The following GPC5 variants were observed in gnomAD, a reference collection of about 807,000 sequenced individuals.
GPC5 encodes the protein glypican-5.
Under a neutral mutation model 53.9 loss-of-function variants are expected in GPC5, and 47 were observed. That is an observed-to-expected ratio of 0.87 (90% CI 0.69 to 1.11). The LOEUF is 1.11. Among genes scored for constraint, GPC5 ranks in the 50% most tolerant of loss-of-function variants. The probability of loss-of-function intolerance (pLI) is 0.00; values close to 1 mark genes in which losing one functional copy is unlikely to be tolerated. For missense variants in GPC5, 748 were observed against 713.1 expected (o/e 1.05, Z -0.56); for synonymous variants, 286 against 263.3 (o/e 1.09, Z -0.84).
At chr13:92,467,502 A>T (rs954350979) in intron 7 of GPC5, among the ~76,000 whole-genome samples, 1 of 152,176 alleles carries the variant, frequency 6.6e-6, no homozygotes, top group Non-Finnish European at 1.5e-5. Context: ...AGCATTTATT[A>T]TGTATTAGTC....
chr13:92,037,062 A>G (rs1459221883), intron 6 of GPC5, among the ~76,000 whole-genome samples: 1 of 152,110 alleles, frequency 6.6e-6, no homozygotes, highest in Non-Finnish European at 1.5e-5. Context: ...CTAATCTTCC[A>G]ATGATTTCCC....
chr13:92,540,320 T>A (rs1881892906), intron 7 of GPC5, among the ~76,000 whole-genome samples: 1 of 151,760 alleles, frequency 6.6e-6, no homozygotes, highest in African/African-American at 2.4e-5. Context: ...CCTAGCTGCA[T>A]GAGATGTGCC....
chr13:91,513,378 G>A (rs1037793290), intron 2 of GPC5, among the ~76,000 whole-genome samples: 1 of 149,918 alleles, frequency 6.7e-6, no homozygotes, highest in Non-Finnish European at 1.5e-5. Flanking sequence ...GTGTGTGTGT[G>A]TATTTAGTTG....
intron 7 of GPC5, among the ~76,000 whole-genome samples, chr13:92,848,845 A>G (rs1299671605): frequency 6.6e-6 from 1 of 152,208 alleles, no homozygotes; most frequent in Non-Finnish European, 1.5e-5. Context: ...ATCATATGTC[A>G]CATGGGATTA....
intron 6 of GPC5, among the ~76,000 whole-genome samples, chr13:91,931,973 AAACACTTATCT>A (rs2039825797): frequency 6.6e-6 from 1 of 152,036 alleles, no homozygotes; most frequent in South Asian, 2.1e-4. Flanking sequence ...AACATGCTAT[AAACACTTATCT>A]AACCAAAATA....
chr13:92,211,250 C>T (rs1419433564), intron 7 of GPC5, among the ~76,000 whole-genome samples: 2 of 152,202 alleles, frequency 1.3e-5, no homozygotes. Context: ...CCTGAGAACT[C>T]TTAAGGCAAA....
intron 2 of GPC5, among the ~76,000 whole-genome samples, chr13:91,636,307 A>G (rs529825681): frequency 2.6e-4 from 40 of 152,084 alleles, no homozygotes; most frequent in Non-Finnish European, 4.7e-4. Flanking sequence ...AATTAAGCCT[A>G]TGATTTATAA....
At position 92,196,985 on chromosome 13, in the gene GPC5, A is replaced by G. The variant is rs993810761; in HGVS notation, c.1561+51996A>G. Among the ~76,000 whole-genome samples, 3 of 152,350 alleles carry G rather than the reference A, an allele frequency of 2.0e-5. No individual in the cohort carries two copies. In the South Asian group the frequency reaches 6.2e-4, roughly 32 times the overall value. ...GAAATGTTAAGATACCGAAAACGGT[A>G]CACTGGAAACAATATGAATCGTGCA... On this transcript the variant is annotated intron_variant, in intron 7 of 7. Coordinates refer to ENST00000377067, the MANE Select transcript of GPC5 (RefSeq NM_004466.6).
intron 7 of GPC5, among the ~76,000 whole-genome samples, chr13:92,667,160 G>T (rs72641042): frequency 6.6e-6 from 1 of 152,048 alleles, no homozygotes; most frequent in Non-Finnish European, 1.5e-5. Context: ...TCTGGGTTTC[G>T]AGGTCTTAAA....
intron 5 of GPC5, among the ~76,000 whole-genome samples, chr13:91,822,423 C>T (rs763969452): frequency 1.3e-5 from 2 of 152,134 alleles, no homozygotes; most frequent in Non-Finnish European, 2.9e-5. Context: ...TAAGAAATAA[C>T]GCATTAACCT....
At chr13:91,644,693 G>A (rs1233654819) in intron 2 of GPC5, among the ~76,000 whole-genome samples, 1 of 151,986 alleles carries the variant, frequency 6.6e-6, no homozygotes, top group Non-Finnish European at 1.5e-5. Flanking sequence ...ATCTTAACCT[G>A]TCTTTTGTTT....
At chr13:92,254,190 A>G (rs2042711290) in intron 7 of GPC5, among the ~76,000 whole-genome samples, 3 of 152,176 alleles carry the variant, frequency 2.0e-5, no homozygotes, top group Admixed American at 2.0e-4. Flanking sequence ...GGGTTTCCCC[A>G]TTGGATGAAC....
intron 7 of GPC5, among the ~76,000 whole-genome samples, chr13:92,245,690 G>A (rs914406025): frequency 2.0e-5 from 3 of 151,932 alleles, no homozygotes; most frequent in Non-Finnish European, 4.4e-5. Context: ...CACAGATTTA[G>A]TGTCTTAATA....
Position 92,101,704 on chromosome 13 carries a change from T to A in GPC5, c.1402-43126T>A, listed in dbSNP as rs74333883. On this transcript the variant is annotated intron_variant, in intron 6 of 7. Transcript: ENST00000377067. Reference sequence around the variant, plus strand: ...GCAAAATCAATAATTACAGCCTAGATGATGCCCTTGCTCCTAGGGGATAAA... The same window carrying A: ...GCAAAATCAATAATTACAGCCTAGAAGATGCCCTTGCTCCTAGGGGATAAA... Among the ~76,000 whole-genome samples, 509 of 152,342 alleles carry A rather than the reference T, an allele frequency of 3.3e-3. 9 individuals are homozygous for A. Among genetic ancestry groups the A allele is most frequent in the East Asian group, 0.019 (101 of 5,190 alleles).
chr13:91,429,702 A>T (rs182679414), intron 1 of GPC5, among the ~76,000 whole-genome samples: 256 of 152,306 alleles, frequency 1.7e-3, no homozygotes, highest in African/African-American at 5.8e-3. Flanking sequence ...GACAGAGAAA[A>T]GGTCAGTGGC....
intron 7 of GPC5, among the ~76,000 whole-genome samples, chr13:92,722,311 A>G (rs1888528185): frequency 1.3e-5 from 2 of 152,018 alleles, no homozygotes; most frequent in Admixed American, 1.3e-4. Flanking sequence ...TTTCTGTCCC[A>G]TTTACTTATA....
intron 7 of GPC5, among the ~76,000 whole-genome samples, chr13:92,236,020 T>G (rs1005192440): frequency 6.6e-6 from 1 of 152,116 alleles, no homozygotes; most frequent in Non-Finnish European, 1.5e-5. Context: ...TAGCATTCTT[T>G]CCTTTACTAT....
At chr13:92,571,340 G>T (rs867761533) in intron 7 of GPC5, among the ~76,000 whole-genome samples, 4 of 152,162 alleles carry the variant, frequency 2.6e-5, no homozygotes, top group African/African-American at 9.7e-5. Flanking sequence ...ACGACTTGGG[G>T]TTAAATGACT....
intron 7 of GPC5, among the ~76,000 whole-genome samples, chr13:92,682,271 C>T (rs1211808933): frequency 6.6e-6 from 1 of 152,150 alleles, no homozygotes; most frequent in Non-Finnish European, 1.5e-5. Flanking sequence ...AATTCAGTGT[C>T]TTCTGGGAGC....
Sources: gnomAD v4.1 joint callset for allele counts (sites outside exome capture counted in the v4.1 genomes callset) on GRCh38, gnomAD v4.1.1 for gene constraint, MANE v1.5 for transcripts, NCBI Gene and HGNC (gene_info 2026-07-23, HGNC 2026-07-21) for gene names.